The following VGLL4 variants were observed in gnomAD, a reference collection of about 807,000 sequenced individuals.
VGLL4 encodes vestigial like family member 4.
A neutral mutation model predicts 21.0 loss-of-function variants in VGLL4; 7 were observed. That is an observed-to-expected ratio of 0.33 (90% CI 0.19 to 0.63). The LOEUF is 0.63. Among genes scored for constraint, VGLL4 ranks in the 20% least tolerant of loss-of-function variants. The pLI, the probability that VGLL4 is intolerant of heterozygous loss-of-function variation, is 0.78. For synonymous variants in VGLL4, 222 were observed against 173.2 expected, an observed-to-expected ratio of 1.28 and a Z score of -2.21; for missense variants, 394 against 425.7, an observed-to-expected ratio of 0.93 and a Z score of 0.66.
chr3:11,609,992 C>T (rs56895683), intron 1 of VGLL4, among the ~76,000 whole-genome samples: 3,572 of 152,254 alleles, frequency 0.023, 140 homozygotes, highest in African/African-American at 0.08. Context: ...TAAGGCTTTA[C>T]GTTCAGCCCC....
rs561628956 is a variant in VGLL4, at chr3:11,642,306, T to G, written c.82+1131A>C. ...TTTAAAAAACAACGTGAATGAGGGT[T>G]GTTGTTGTTTTTTTTCCTTGAAGGG... On this transcript the variant is annotated intron_variant, in intron 1 of 4. Coordinates refer to ENST00000430365, the MANE Select transcript of VGLL4 (RefSeq NM_001128219.3). 2.0e-4 allele frequency among the ~76,000 whole-genome samples: 31 copies of G among 152,182 alleles called. 1 individual carries two copies. The South Asian group carries it at 5.8e-3, about 28-fold the overall frequency.
chr3:11,721,804 T>G (rs992795464), upstream of VGLL4: 7 of 152,218 alleles, frequency 4.6e-5, no homozygotes, highest in African/African-American at 1.4e-4. Context: ...CAAACCTCAG[T>G]TTTCTCATCC....
intron 2 of VGLL4, among the ~76,000 whole-genome samples, chr3:11,674,560 A>C (rs956649885): frequency 9.2e-5 from 14 of 152,192 alleles, no homozygotes; most frequent in African/African-American, 3.1e-4. Context: ...ACACAGCTTT[A>C]CATGGCAGAG....
chr3:11,594,259 T>C (rs973607885), intron 2 of VGLL4, among the ~76,000 whole-genome samples: 1 of 152,208 alleles, frequency 6.6e-6, no homozygotes, highest in African/African-American at 2.4e-5. Flanking sequence ...GCAGGGTTAA[T>C]CCCAGCTGCC....
chr3:11,686,975 A>G (rs2076458281), intron 2 of VGLL4, among the ~76,000 whole-genome samples: 1 of 152,186 alleles, frequency 6.6e-6, no homozygotes, highest in Admixed American at 6.5e-5. Flanking sequence ...ATATACATAC[A>G]TATGTATAGG....
rs1429436725 is a variant in VGLL4 at position 11,604,793 on chromosome 3, C to G, written c.83-2771G>C. 1.4e-5 allele frequency among the ~76,000 whole-genome samples: 2 copies of G among 143,776 alleles called. 1 individual carries two copies. Among genetic ancestry groups the G allele is most frequent in the African/African-American group, 5.1e-5 (2 of 39,506 alleles). 94.3% of individuals were successfully genotyped at this position (143,776 alleles called of 152,430 possible). A position where few individuals can be genotyped will look rare whatever the true frequency, so the allele number is the denominator to read the frequency against. ...ATGCAATTCTATGATCAACAAGTGA[C>G]CAACCAACTAACCAACATTTACAAA... On this transcript the variant is annotated intron_variant, in intron 1 of 4. Transcript: ENST00000430365.
intron 1 of VGLL4, among the ~76,000 whole-genome samples, chr3:11,621,409 A>C (rs192440500): frequency 6.6e-6 from 1 of 152,302 alleles, no homozygotes; most frequent in East Asian, 1.9e-4. Context: ...CATCTCATAT[A>C]AACTCAATCA....
At chr3:11,569,018 T>C in intron 2 of VGLL4, 10 of 891,074 alleles carry the variant, frequency 1.1e-5, no homozygotes, top group Admixed American at 1.0e-4. Flanking sequence ...GCTTTCTGAG[T>C]ACTGAAAGCC....
At chr3:11,616,352 G>A (rs2075162893) in intron 1 of VGLL4, among the ~76,000 whole-genome samples, 1 of 152,164 alleles carries the variant, frequency 6.6e-6, no homozygotes, top group South Asian at 2.1e-4. Context: ...CTGCGTTATG[G>A]CTCTTAATCC....
intron 2 of VGLL4, among the ~76,000 whole-genome samples, chr3:11,675,975 TATC>T (rs1398362135): frequency 1.3e-5 from 2 of 152,240 alleles, no homozygotes; most frequent in African/African-American, 4.8e-5. Context: ...TAATTTACTT[TATC>T]ATGTTTTATT....
intron 2 of VGLL4, among the ~76,000 whole-genome samples, chr3:11,668,532 C>A (rs186738377): frequency 3.9e-5 from 6 of 152,278 alleles, no homozygotes; most frequent in Non-Finnish European, 7.3e-5. Flanking sequence ...TTAACAAGAT[C>A]TCTGGGTAAA....
At chr3:11,627,007 G>A (rs1010331086) in intron 1 of VGLL4, among the ~76,000 whole-genome samples, 1 of 152,078 alleles carries the variant, frequency 6.6e-6, no homozygotes, top group African/African-American at 2.4e-5. Context: ...ACATGCAAAC[G>A]AGTGTTATCA....
chr3:11,668,748 C>A (rs149971036), intron 2 of VGLL4, among the ~76,000 whole-genome samples: 1 of 152,230 alleles, frequency 6.6e-6, no homozygotes, highest in Non-Finnish European at 1.5e-5. Flanking sequence ...CTCTCTTGCA[C>A]GTTTGGAGAA....
rs1182226839 is a variant in VGLL4, at chr3:11,558,622, C to G, written c.825G>C (p.Arg275Ser). 3.1e-6 allele frequency: 5 copies of G among 1,608,546 alleles called. No homozygotes were observed. Among genetic ancestry groups the G allele is most frequent in the Admixed American group, 1.7e-5 (1 of 60,016 alleles). Residue 275 changes from arginine (R) to serine (S), a missense_variant, in exon 5 of 5, where the codon AGG (arginine) becomes AGC (serine). Coordinates refer to ENST00000430365, the MANE Select transcript of VGLL4 (RefSeq NM_001128219.3). The stretch of plus-strand genomic sequence containing the variant: ...GGGCAGAGGGGCTGGCGGGCTGGCC[C>G]CTGCGAGAGGCGGACTCAGGGCTGC... ...ASSSPESASR[R>S]GQPASPSAHM...
intron 2 of VGLL4, among the ~76,000 whole-genome samples, chr3:11,686,538 G>C (rs952549439): frequency 3.9e-5 from 6 of 152,172 alleles, no homozygotes; most frequent in African/African-American, 1.4e-4. Context: ...TTCAAAGGAT[G>C]TAGACTTTCA....
chr3:11,563,617 A>G (rs925347645), intron 3 of VGLL4, among the ~76,000 whole-genome samples: 2 of 152,212 alleles, frequency 1.3e-5, no homozygotes, highest in African/African-American at 4.8e-5. Context: ...CGTTGAAATG[A>G]ACAGCAGTGA....
upstream of VGLL4, chr3:11,643,939 C>A: frequency 1.0e-6 from 1 of 993,220 alleles, no homozygotes; most frequent in Non-Finnish European, 1.2e-6. Flanking sequence ...CCTATGCCGC[C>A]GCTTCCTCTT....
chr3:11,670,626 T>C (rs2076194165), intron 2 of VGLL4, among the ~76,000 whole-genome samples: 1 of 152,084 alleles, frequency 6.6e-6, no homozygotes, highest in Admixed American at 6.6e-5. Context: ...TGAGGCTTTC[T>C]TTTTTTTAAG....
In VGLL4 at chr3:11,568,504, C is replaced by A. The variant is rs958951404; in HGVS notation, c.273-3485G>T. 2.2e-5 allele frequency: 32 copies of A among 1,479,524 alleles called. No homozygotes were observed. Among genetic ancestry groups the A allele is most frequent in the Non-Finnish European group, 2.9e-5 (31 of 1,083,214 alleles). The allele number at this position is 1,479,524 out of a possible 1,614,324, so 91.6% of individuals were successfully genotyped here. On this transcript the variant is annotated intron_variant, in intron 2 of 4. Coordinates refer to ENST00000430365, the MANE Select transcript of VGLL4 (RefSeq NM_001128219.3). This position sits in a 1 kb window ranked among gnomAD's most constrained non-coding sequence, Gnocchi z 5.9. ...AACTGGAAAGACAGTCCGTGGAACACAGCACAGTGGGCACTATGGGTCAGA... is the reference window on the plus strand; with the variant it reads ...AACTGGAAAGACAGTCCGTGGAACAAAGCACAGTGGGCACTATGGGTCAGA...
Sources: gnomAD v4.1 joint callset for allele counts (sites outside exome capture counted in the v4.1 genomes callset) on GRCh38, gnomAD v4.1.1 for gene constraint, Gnocchi (gnomAD v3.1) non-coding constraint, MANE v1.5 for transcripts, NCBI Gene and HGNC (gene_info 2026-07-23, HGNC 2026-07-21) for gene names.